MYT1L: variants seen among roughly 807,000 people sequenced by gnomAD.
MYT1L encodes the protein myelin transcription factor 1 like, also known as myelin transcription factor 1-like protein.
MYT1L carries 12 observed loss-of-function variants against 126.7 expected under a neutral mutation model. The ratio of observed to expected loss-of-function variants is 0.09; its 90% CI spans 0.06 to 0.15. MYT1L has a LOEUF of 0.15. MYT1L is among the 10% of genes least tolerant of loss of function. The pLI, the probability that MYT1L is intolerant of heterozygous loss-of-function variation, is 1.00. For synonymous variants in MYT1L, 541 were observed against 604.2 expected, an observed-to-expected ratio of 0.90 and a Z score of 1.53; for missense variants, 979 against 1,585.2, an observed-to-expected ratio of 0.62 and a Z score of 6.49.
At chr2:1,928,608 C>T (rs1323064645) in intron 9 of MYT1L, among the ~76,000 whole-genome samples, 1 of 152,164 alleles carries the variant, frequency 6.6e-6, no homozygotes, top group African/African-American at 2.4e-5. Flanking sequence ...AGAGTAACGC[C>T]GCTCCCTTCT....
intron 8 of MYT1L, among the ~76,000 whole-genome samples, chr2:1,954,441 G>T (rs12994185): frequency 0.093 from 14,136 of 152,204 alleles, 1,186 homozygotes; most frequent in African/African-American, 0.23. Flanking sequence ...TGTTGTCTTT[G>T]TGACCATGCA....
chr2:2,191,922 A>G (rs960812), intron 2 of MYT1L, among the ~76,000 whole-genome samples: 6,303 of 152,266 alleles, frequency 0.041, 458 homozygotes, highest in African/African-American at 0.14. Context: ...ATATTTTTCA[A>G]AGTTGTACTC....
Position 1,853,848 on chromosome 2 carries a change from A to G in MYT1L, c.2712-2145T>C, listed in dbSNP as rs116766667. Among the ~76,000 whole-genome samples the G allele has an allele frequency of 3.4e-3, 516 of 152,336 alleles. 5 individuals are homozygous for G. Among genetic ancestry groups the G allele is most frequent in the African/African-American group, 0.012 (489 of 41,574 alleles). The stretch of plus-strand genomic sequence containing the variant: ...TAAAGTGAGATATTATAGCCAAATA[A>G]TTCAGTGAAAATCATATTTTTACTA... On this transcript the variant is annotated intron_variant, in intron 18 of 24. Coordinates refer to ENST00000647738, the MANE Select transcript of MYT1L (RefSeq NM_001303052.2).
chr2:2,144,409 T>C (rs1380824401), intron 3 of MYT1L, among the ~76,000 whole-genome samples: 1 of 152,184 alleles, frequency 6.6e-6, no homozygotes, highest in Non-Finnish European at 1.5e-5. Flanking sequence ...AATTCCTCCA[T>C]ATTGTGTGCT....
At chr2:2,097,614 T>C (rs1033877472) in intron 3 of MYT1L, among the ~76,000 whole-genome samples, 1 of 152,176 alleles carries the variant, frequency 6.6e-6, no homozygotes, top group Non-Finnish European at 1.5e-5. Flanking sequence ...AAATAAGCGA[T>C]GGAGATGCGT....
chr2:1,837,251 A>T (rs781510770), intron 21 of MYT1L, among the ~76,000 whole-genome samples: 5 of 152,198 alleles, frequency 3.3e-5, no homozygotes, highest in Admixed American at 2.0e-4. Context: ...CAGCAGGAGG[A>T]AAGCTAAAGC....
chr2:2,255,328 G>A (rs560425380), intron 2 of MYT1L, among the ~76,000 whole-genome samples: 17 of 152,052 alleles, frequency 1.1e-4, no homozygotes, highest in Non-Finnish European at 2.5e-4. Context: ...AATATATCAG[G>A]AGGATATTGG....
chr2:2,151,574 T>A (rs2085789010), intron 3 of MYT1L, among the ~76,000 whole-genome samples: 1 of 152,210 alleles, frequency 6.6e-6, no homozygotes. Flanking sequence ...TTGAAATCCA[T>A]TAGCTCCTCT....
At chr2:1,810,524 A>G (rs1480905227) in intron 21 of MYT1L, among the ~76,000 whole-genome samples, 3 of 152,354 alleles carry the variant, frequency 2.0e-5, no homozygotes, top group Non-Finnish European at 2.9e-5. Flanking sequence ...GAAGTGTTAG[A>G]TGGACCGTGT....
chr2:2,064,177 C>T (rs567335772), intron 3 of MYT1L, among the ~76,000 whole-genome samples: 20 of 152,184 alleles, frequency 1.3e-4, no homozygotes, highest in African/African-American at 1.9e-4. Context: ...AAACCACATA[C>T]GATGGGCAGA....
chr2:2,016,098 AAGGATTCACTCATCAATT>A (rs1429131637), intron 4 of MYT1L, among the ~76,000 whole-genome samples: 3 of 152,242 alleles, frequency 2.0e-5, no homozygotes, highest in Non-Finnish European at 1.5e-5. Context: ...AAAGCCTTGT[AAGGATTCACTCATCAATT>A]AGGTGCTAGG....
At chr2:2,265,282 A>G (rs1400692859) in intron 2 of MYT1L, among the ~76,000 whole-genome samples, 1 of 151,802 alleles carries the variant, frequency 6.6e-6, no homozygotes, top group East Asian at 1.9e-4. Context: ...TGTTGGGATT[A>G]CAGGCTTGAG....
chr2:2,316,567 T>C (rs909097555), intron 1 of MYT1L, among the ~76,000 whole-genome samples: 3 of 152,228 alleles, frequency 2.0e-5, no homozygotes, highest in African/African-American at 4.8e-5. Flanking sequence ...AAGACTCATG[T>C]AGTCACCAGG....
At chr2:2,132,062 C>G (rs575631801) in intron 3 of MYT1L, among the ~76,000 whole-genome samples, 1 of 151,884 alleles carries the variant, frequency 6.6e-6, no homozygotes, top group Admixed American at 6.6e-5. Flanking sequence ...CAGGTGCCAC[C>G]ACGCCCAGCT....
intron 1 of MYT1L, among the ~76,000 whole-genome samples, chr2:2,312,749 C>G (rs1360002696): frequency 6.6e-6 from 1 of 152,100 alleles, no homozygotes; most frequent in Non-Finnish European, 1.5e-5. Context: ...CGGCATTAGG[C>G]TAACCAAGGA....
chr2:2,101,942 A>G (rs1316765134), intron 3 of MYT1L, among the ~76,000 whole-genome samples: 1 of 152,254 alleles, frequency 6.6e-6, no homozygotes, highest in Non-Finnish European at 1.5e-5. Flanking sequence ...AGGACCTATG[A>G]TTAGGTTTCT....
intron 21 of MYT1L, among the ~76,000 whole-genome samples, chr2:1,832,959 C>A (rs1011419988): frequency 3.9e-5 from 6 of 152,228 alleles, no homozygotes; most frequent in African/African-American, 1.4e-4. Flanking sequence ...ACTTTGTAAA[C>A]CAGACCTGGA....
At chr2:2,148,801 T>C (rs781571041) in intron 3 of MYT1L, among the ~76,000 whole-genome samples, 2 of 152,228 alleles carry the variant, frequency 1.3e-5, no homozygotes, top group Non-Finnish European at 2.9e-5. Flanking sequence ...GTGCACAGCA[T>C]GAGCCTCCAA....
At chr2:1,980,481 G>C (rs1447653626) in intron 5 of MYT1L, among the ~76,000 whole-genome samples, 1 of 151,972 alleles carries the variant, frequency 6.6e-6, no homozygotes, top group African/African-American at 2.4e-5. Context: ...GAATGCAATT[G>C]TCCTCCACAT....
Sources: gnomAD v4.1 joint callset for allele counts (sites outside exome capture counted in the v4.1 genomes callset) on GRCh38, gnomAD v4.1.1 for gene constraint, MANE v1.5 for transcripts, NCBI Gene and HGNC (gene_info 2026-07-23, HGNC 2026-07-21) for gene names.